SLC9A5: variants seen among roughly 807,000 people sequenced by gnomAD.
The protein encoded by SLC9A5 is solute carrier family 9 member A5.
Under a neutral mutation model 91.7 loss-of-function variants are expected in SLC9A5, and 52 were observed. The ratio of observed to expected loss-of-function variants is 0.57; its 90% CI spans 0.45 to 0.71. SLC9A5 has a LOEUF of 0.71. Ranked by LOEUF, SLC9A5 falls within the 30% of genes least tolerant of loss-of-function variation. The probability of loss-of-function intolerance (pLI) is 0.00; values close to 1 mark genes in which losing one functional copy is unlikely to be tolerated. For missense variants in SLC9A5, 871 were observed against 1,158.9 expected, an observed-to-expected ratio of 0.75 and a Z score of 3.61; for synonymous variants, 419 against 474.5, an observed-to-expected ratio of 0.88 and a Z score of 1.52.
chr16:67,270,880 G>C lies in SLC9A5; in HGVS notation c.2361G>C (p.Met787Ile), dbSNP rs766710566. Reference protein sequence around the residue: ...SETTKIVPVDMQTGWNQSISS... With the variant: ...SETTKIVPVDIQTGWNQSISS... ...CCACCAAGATTGTGCCTGTGGACAT[G>C]CAGACGGGTTGGAACCAGAGCATCT... The change falls in exon 16 of 16, where the codon ATG (methionine) becomes ATC (isoleucine). Residue 787 changes from methionine to isoleucine, a missense_variant. Met to Ile is a conservative substitution (Grantham distance 10). Transcript: ENST00000299798. This position sits in a 1 kb window ranked among gnomAD's most constrained non-coding sequence, Gnocchi z 4.3. 3 of 1,614,122 alleles carry C rather than the reference G, an allele frequency of 1.9e-6. No homozygotes were observed. In the South Asian group the frequency reaches 3.3e-5, roughly 18 times the overall value.
chr16:67,266,260 A>G, intron 15 of SLC9A5, 35 bp downstream of exon 15: 2 of 1,554,788 alleles, frequency 1.3e-6, no homozygotes, highest in Non-Finnish European at 1.7e-6. Flanking sequence ...TCCCCTCTGG[A>G]GCAAGCTGGT....
chr16:67,254,819 G>A (rs1313627325), intron 2 of SLC9A5, among the ~76,000 whole-genome samples: 1 of 152,236 alleles, frequency 6.6e-6, no homozygotes, highest in East Asian at 1.9e-4. Flanking sequence ...CAGTTGGTAA[G>A]TGGCAAAGCC....
intron 1 of SLC9A5, among the ~76,000 whole-genome samples, chr16:67,250,861 A>C (rs1349134090): frequency 6.6e-6 from 1 of 152,144 alleles, no homozygotes; most frequent in Non-Finnish European, 1.5e-5. Context: ...ATGTAGAGAG[A>C]GATGTGTTCG....
At chr16:67,261,429 T>G (rs1290161527) in intron 12 of SLC9A5, 1 of 152,208 alleles carries the variant, frequency 6.6e-6, no homozygotes. Context: ...GAAAAATCAG[T>G]GCATGATCAA....
In SLC9A5 at chr16:67,255,942, G is replaced by A. The variant is rs1447652918; in HGVS notation, c.911+12G>A. The A allele has an allele frequency of 6.2e-7, 1 of 1,610,118 alleles. No homozygotes were observed. Among genetic ancestry groups the A allele is most frequent in the East Asian group, 2.2e-5 (1 of 44,830 alleles). On this transcript the variant is annotated intron_variant, in intron 5 of 15. Coordinates refer to ENST00000299798, the MANE Select transcript of SLC9A5 (RefSeq NM_004594.3). This position sits in a 1 kb window ranked among gnomAD's most constrained non-coding sequence, Gnocchi z 4.9. ...TCCGCCATTCTTGCGTGAGTTCTGGGGGCCTTGCAGGCAGATAGCTGGGAG... is the reference window on the plus strand; with the variant it reads ...TCCGCCATTCTTGCGTGAGTTCTGGAGGCCTTGCAGGCAGATAGCTGGGAG...
In SLC9A5 at chr16:67,252,561, A is replaced by G. The variant is rs769032547; in HGVS notation, c.207A>G (p.Lys69=). 1.9e-6 allele frequency: 3 copies of G among 1,612,844 alleles called. No individual in the cohort carries two copies. Among genetic ancestry groups the G allele is most frequent in the Non-Finnish European group, 2.5e-6 (3 of 1,179,436 alleles). The change falls in exon 2 of 16, where the codon AAA becomes AAG. Residue 69 remains lysine (K), a synonymous_variant. Transcript: ENST00000299798. The surrounding 1 kb of genome is among the most constrained non-coding windows in gnomAD (Gnocchi z 4.0). ...TTGCAGTGTTTCACCTGTCTCGGAA[A>G]GTAACATCTCTGGTCCCTGAGAGCT... ...LAKIVFHLSR[K]VTSLVPESCL...
In SLC9A5 at chr16:67,265,996, C is replaced by T. The variant is rs922015718; in HGVS notation, c.2081-92C>T. ...AGTGTCTCTGCCAACGTGTGTTCTG[C>T]CTAGGGAGACAGGGAGCTGGCTTGG... On this transcript the variant is annotated intron_variant, in intron 14 of 15. Transcript: ENST00000299798. 6 of 1,536,918 alleles carry T rather than the reference C, an allele frequency of 3.9e-6. No homozygotes were observed. In the Admixed American group the frequency reaches 1.2e-4, roughly 31 times the overall value.
At position 67,252,320 on chromosome 16, in the gene SLC9A5, G is replaced by A. The variant is rs1217250160; in HGVS notation, c.188-222G>A. Among the ~76,000 whole-genome samples, 12 of 152,046 alleles carry A rather than the reference G, an allele frequency of 7.9e-5. No individual in the cohort carries two copies. Among genetic ancestry groups the A allele is most frequent in the Admixed American group, 5.2e-4 (8 of 15,270 alleles). On this transcript the variant is annotated intron_variant, in intron 1 of 15. Transcript: ENST00000299798. This position sits in a 1 kb window ranked among gnomAD's most constrained non-coding sequence, Gnocchi z 4.0. Reference sequence around the variant, plus strand: ...AAAAAAATTATCTGGGCATGGTGGCGCGTGTCTGTAGTCCCCGTACTCAGG... The same window carrying A: ...AAAAAAATTATCTGGGCATGGTGGCACGTGTCTGTAGTCCCCGTACTCAGG...
At position 67,252,728 on chromosome 16, in the gene SLC9A5, G is replaced by A; in HGVS notation, c.374G>A (p.Ser125Asn). The change falls in exon 2 of 16, where the codon AGC (serine) becomes AAC (asparagine). Residue 125 changes from serine to asparagine, a missense_variant. This residue lies in a region of SLC9A5 where 454 missense variants were observed against 718.3 expected (regional missense o/e 0.63). Transcript: ENST00000299798. This position sits in a 1 kb window ranked among gnomAD's most constrained non-coding sequence, Gnocchi z 4.0. ...TTGGACTCAGGCTATTTCATGCCTA[G>A]CAGGCTGTTCTTTGACAACTTGGGT... ...IVLDSGYFMP[S>N]RLFFDNLGAI... 1 of 1,614,172 alleles carries A rather than the reference G, an allele frequency of 6.2e-7. No homozygotes were observed. The highest frequency in any genetic ancestry group is 1.1e-5 in the South Asian group (1 of 91,088).
chr16:67,271,056 C>G lies in SLC9A5; in HGVS notation c.2537C>G (p.Ala846Gly), dbSNP rs1478030201. ...AGCTTCGCCTTCCCACCGAGCCTGG[C>G]CAAGGCTGGCCGCTCTCGCAGTGAG... ...RSSFAFPPSL[A>G]KAGRSRSESS... is the part of the protein sequence containing the mutation. Residue 846 changes from alanine (A) to glycine (G), a missense_variant, in exon 16 of 16, where the codon GCC becomes GGC. This residue lies in a region of SLC9A5 where 295 missense variants were observed against 326.0 expected (regional missense o/e 0.90). Coordinates refer to ENST00000299798, the MANE Select transcript of SLC9A5 (RefSeq NM_004594.3). 5.6e-6 allele frequency: 9 copies of G among 1,612,030 alleles called. No individual in the cohort carries two copies. The South Asian group carries it at 9.9e-5, about 18-fold the overall frequency.
At position 67,255,313 on chromosome 16, in the gene SLC9A5, T is replaced by C; in HGVS notation, c.655-80T>C. 1 of 1,532,114 alleles carries C rather than the reference T, an allele frequency of 6.5e-7. No individual in the cohort carries two copies. Among genetic ancestry groups the C allele is most frequent in the Non-Finnish European group, 9.0e-7 (1 of 1,114,700 alleles). The allele number at this position is 1,532,114 out of a possible 1,614,324, so 94.9% of individuals were successfully genotyped here. On this transcript the variant is annotated intron_variant, in intron 3 of 15. Coordinates refer to ENST00000299798, the MANE Select transcript of SLC9A5 (RefSeq NM_004594.3). This position sits in a 1 kb window ranked among gnomAD's most constrained non-coding sequence, Gnocchi z 4.9. ...AGAAATATGCTGTCTGCTTTCACCC[T>C]GCTCTCCCAGCAGTCTGTCTCCCAG...
chr16:67,252,579 T>C lies in SLC9A5; in HGVS notation c.225T>C (p.Pro75=). The C allele has an allele frequency of 6.2e-7, 1 of 1,613,914 alleles. No individual in the cohort carries two copies. ...HLSRKVTSLV[P]ESCLLILLGL... ...CTCGGAAAGTAACATCTCTGGTCCC[T>C]GAGAGCTGCCTGCTGATTTTGCTGG... Residue 75 remains proline (P), a synonymous_variant, in exon 2 of 16, where the codon CCT becomes CCC. Coordinates refer to ENST00000299798, the MANE Select transcript of SLC9A5 (RefSeq NM_004594.3). This position sits in a 1 kb window ranked among gnomAD's most constrained non-coding sequence, Gnocchi z 4.0.
chr16:67,267,849 C>A (rs1191512279), intron 15 of SLC9A5, among the ~76,000 whole-genome samples: 1 of 152,004 alleles, frequency 6.6e-6, no homozygotes, highest in Non-Finnish European at 1.5e-5. Flanking sequence ...AAATAAACTC[C>A]CATCTATCCA....
chr16:67,268,658 T>TTTTATATATATA lies in SLC9A5; in HGVS notation c.2219-2079_2219-2078insTTATATATATAT, dbSNP rs1309246335. 4.7e-4 allele frequency among the ~76,000 whole-genome samples: 20 copies of TTTTATATATATA among 42,328 alleles called. 1 individual carries two copies. The highest frequency in any genetic ancestry group is 1.1e-3 in the Admixed American group (3 of 2,762). The allele number at this position is 42,328 out of a possible 152,430, so 27.8% of individuals were successfully genotyped here. ...TCAAACATCGTTCAAATTTCCCTGA[T>TTTTATATATATA]TATATATATATATATATATATATAT... On this transcript the variant is annotated intron_variant, in intron 15 of 15. Transcript: ENST00000299798.
At position 67,264,959 on chromosome 16, in the gene SLC9A5, T is replaced by A. The variant is rs1243143920; in HGVS notation, c.2014-81T>A. On this transcript the variant is annotated intron_variant, in intron 13 of 15. Transcript: ENST00000299798. ...CCTCCCCTGCTGGGTTAGGAAAACT[T>A]GTCCTGTTGACCCCACCAGATGACA... 12 of 1,436,138 alleles carry A rather than the reference T, an allele frequency of 8.4e-6. No individual in the cohort carries two copies. In the Middle Eastern group the frequency reaches 5.2e-4, roughly 63 times the overall value. 89.0% of individuals were successfully genotyped at this position (1,436,138 alleles called of 1,614,324 possible). A position where few individuals can be genotyped will look rare whatever the true frequency, so the allele number is the denominator to read the frequency against.
Position 67,271,495 on chromosome 16 carries a change from T to C in SLC9A5, c.*285T>C. 2.2e-6 allele frequency: 1 copy of C among 452,304 alleles called. No homozygotes were observed. The highest frequency in any genetic ancestry group is 3.5e-5 in the South Asian group (1 of 28,706). 28.0% of individuals were successfully genotyped at this position (452,304 alleles called of 1,614,324 possible). A position where few individuals can be genotyped will look rare whatever the true frequency, so the allele number is the denominator to read the frequency against. Reference sequence around the variant, plus strand: ...TACGGGCTAGGCCCAGAGACTTGGGTTGCTGGTCCCCCTTCCCTAGTGGGT... The same window carrying C: ...TACGGGCTAGGCCCAGAGACTTGGGCTGCTGGTCCCCCTTCCCTAGTGGGT... On this transcript the variant is annotated 3_prime_UTR_variant, in exon 16 of 16. Coordinates refer to ENST00000299798, the MANE Select transcript of SLC9A5 (RefSeq NM_004594.3).
intron 12 of SLC9A5, 116 bp downstream of exon 12, chr16:67,260,062 G>A: frequency 7.1e-7 from 1 of 1,406,766 alleles, no homozygotes; most frequent in Non-Finnish European, 9.4e-7. Context: ...AAGAGTGTGG[G>A]TTTCAGCCGG....
Position 67,259,553 on chromosome 16 carries a change from C to T in SLC9A5, c.1627-20C>T, listed in dbSNP as rs762913599. On this transcript the variant is annotated intron_variant, in intron 10 of 15. Transcript: ENST00000299798. ...ACCCTCCATCTGATTGCTGGCTGAC[C>T]TTGGTCTTGACACCTGCAGGGAGGC... The T allele has an allele frequency of 6.2e-7, 1 of 1,604,632 alleles. No individual in the cohort carries two copies. Among genetic ancestry groups the T allele is most frequent in the Non-Finnish European group, 8.5e-7 (1 of 1,171,436 alleles).
chr16:67,260,071 G>A (rs1378315876), intron 12 of SLC9A5, 125 bp downstream of exon 12: 4 of 1,312,142 alleles, frequency 3.0e-6, no homozygotes, highest in African/African-American at 1.5e-5. Flanking sequence ...GGTTTCAGCC[G>A]GGTGCGATGG....
Sources: gnomAD v4.1 joint callset for allele counts (sites outside exome capture counted in the v4.1 genomes callset) on GRCh38, gnomAD v4.1.1 for gene constraint, gnomAD v4.1.1 regional missense constraint, Gnocchi (gnomAD v3.1) non-coding constraint, MANE v1.5 for transcripts, NCBI Gene and HGNC (gene_info 2026-07-23, HGNC 2026-07-21) for gene names.